ARHGEF33: variants seen among roughly 807,000 people sequenced by gnomAD.
ARHGEF33 encodes DH and coiled-coil domain-containing protein ENSP00000381780.
In ARHGEF33, 72 loss-of-function variants were observed where a neutral mutation model predicts 101.9. The ratio of observed to expected loss-of-function variants is 0.71; its 90% CI spans 0.58 to 0.86. The LOEUF (loss-of-function observed/expected upper bound fraction) is 0.86, where lower values mean the gene tolerates loss of function less well. Ranked by LOEUF, ARHGEF33 falls within the 40% of genes least tolerant of loss-of-function variation. The pLI, the probability that ARHGEF33 is intolerant of heterozygous loss-of-function variation, is 0.00. For missense variants in ARHGEF33, 1,169 were observed against 1,111.3 expected (o/e 1.05, Z -0.74); for synonymous variants, 499 against 442.5 (o/e 1.13, Z -1.60).
intron 16 of ARHGEF33, among the ~76,000 whole-genome samples, chr2:38,965,047 C>T (rs1668023669): frequency 6.6e-6 from 1 of 151,162 alleles, no homozygotes; most frequent in African/African-American, 2.4e-5. Context: ...CATATGTTTC[C>T]CGAAAAAAAA....
At chr2:38,973,647 G>A (rs1668213700) in intron 17 of ARHGEF33, 67 bp from the exon 18 acceptor site, 2 of 1,413,982 alleles carry the variant, frequency 1.4e-6, no homozygotes, top group Admixed American at 2.9e-5. Flanking sequence ...AATTGGGATA[G>A]ATAAAAATAT....
intron 10 of ARHGEF33, among the ~76,000 whole-genome samples, chr2:38,944,554 A>G (rs1667392050): frequency 6.6e-6 from 1 of 152,162 alleles, no homozygotes; most frequent in African/African-American, 2.4e-5. Flanking sequence ...GATCATAGCA[A>G]TAGGGAACCC....
chr2:38,960,715 C>A, intron 16 of ARHGEF33, 67 bp downstream of exon 16: 1 of 1,205,442 alleles, frequency 8.3e-7, no homozygotes, highest in Non-Finnish European at 1.1e-6. Flanking sequence ...AGGAAGCATC[C>A]CGAGTTCTCC....
intron 5 of ARHGEF33, among the ~76,000 whole-genome samples, chr2:38,929,420 T>C (rs1666944709): frequency 6.6e-6 from 1 of 151,446 alleles, no homozygotes; most frequent in Non-Finnish European, 1.5e-5. Flanking sequence ...AGAGCAAGAC[T>C]CTGTCTTAAA....
chr2:38,931,795 A>C (rs1281591966), intron 7 of ARHGEF33, among the ~76,000 whole-genome samples: 2 of 152,252 alleles, frequency 1.3e-5, no homozygotes, highest in African/African-American at 4.8e-5. Flanking sequence ...AAAAACAAAA[A>C]AAATTTGCCA....
intron 9 of ARHGEF33, among the ~76,000 whole-genome samples, chr2:38,942,284 C>T (rs1176161661): frequency 6.6e-6 from 1 of 150,556 alleles, no homozygotes; most frequent in Non-Finnish European, 1.5e-5. Context: ...TCTCCTGCCT[C>T]AGCCCCCTGA....
At chr2:38,916,460 A>G (rs896037945) in intron 2 of ARHGEF33, among the ~76,000 whole-genome samples, 2 of 152,248 alleles carry the variant, frequency 1.3e-5, no homozygotes, top group Non-Finnish European at 2.9e-5. Context: ...TGGATTAGAT[A>G]TCAAGTAAAT....
chr2:38,959,985 G>C lies in ARHGEF33; in HGVS notation c.1680G>C (p.Ala560=). The C allele has an allele frequency of 6.4e-7, 1 of 1,550,832 alleles. No individual in the cohort carries two copies. Among genetic ancestry groups the C allele is most frequent in the Non-Finnish European group, 8.7e-7 (1 of 1,146,676 alleles). The part of the protein sequence containing the change: ...ESLLAPTQFC[A]AEQDVKALAG... ...TTCTGGCACCGACGCAGTTCTGCGCGGCCGAGCAGGACGTGAAGGCGCTGG... is the reference window on the plus strand; with the variant it reads ...TTCTGGCACCGACGCAGTTCTGCGCCGCCGAGCAGGACGTGAAGGCGCTGG... The change falls in exon 16 of 18, where the codon GCG becomes GCC. Residue 560 remains alanine, a synonymous_variant. Coordinates refer to ENST00000409978, the MANE Select transcript of ARHGEF33 (RefSeq NM_001145451.5).
chr2:38,954,200 G>A (rs754663873), intron 12 of ARHGEF33, among the ~76,000 whole-genome samples, 173 bp from the exon 13 acceptor site: 76 of 152,218 alleles, frequency 5.0e-4, no homozygotes, highest in Non-Finnish European at 1.0e-3. Context: ...CTGTCTCCTA[G>A]GGCATGTCCC....
At chr2:38,954,806 G>A (rs142398539) in intron 13 of ARHGEF33, among the ~76,000 whole-genome samples, 305 of 151,988 alleles carry the variant, frequency 2.0e-3, no homozygotes, top group African/African-American at 7.1e-3. Flanking sequence ...GCTAATTTTT[G>A]TATTTTTAGT....
chr2:38,959,718 G>T, intron 15 of ARHGEF33, 123 bp from the exon 16 acceptor site: 1 of 1,114,102 alleles, frequency 9.0e-7, no homozygotes, highest in Non-Finnish European at 1.2e-6. Flanking sequence ...GGAAGTTTGT[G>T]GAGCTCGGGA....
In ARHGEF33 at chr2:38,965,899, T is replaced by C; in HGVS notation, c.2344-107T>C. 2.9e-6 allele frequency: 4 copies of C among 1,379,252 alleles called. No individual in the cohort carries two copies. The South Asian group carries it at 5.9e-5, about 20-fold the overall frequency. 85.4% of individuals were successfully genotyped at this position (1,379,252 alleles called of 1,614,324 possible). On this transcript the variant is annotated intron_variant, in intron 16 of 17. Transcript: ENST00000409978. ...GGGATTGGGTGCCCACTGGTAGTCT[T>C]TTGGCATGGGAGAGGAAAGTCACAA...
chr2:38,970,017 G>T (rs1668131710), intron 17 of ARHGEF33, among the ~76,000 whole-genome samples: 1 of 152,182 alleles, frequency 6.6e-6, no homozygotes, highest in African/African-American at 2.4e-5. Context: ...TGGGGAAGAG[G>T]ATCACGTGAG....
intron 15 of ARHGEF33, 29 bp downstream of exon 15, chr2:38,958,227 A>G: frequency 6.5e-7 from 1 of 1,550,342 alleles, no homozygotes; most frequent in Non-Finnish European, 8.7e-7. Context: ...GGGAAGGTTA[A>G]TGCCAATGCC....
At chr2:38,915,599 T>C (rs947925927) in intron 2 of ARHGEF33, among the ~76,000 whole-genome samples, 1 of 152,080 alleles carries the variant, frequency 6.6e-6, no homozygotes, top group Non-Finnish European at 1.5e-5. Flanking sequence ...CTTGAACTCC[T>C]GGCCTCAAGC....
intron 16 of ARHGEF33, among the ~76,000 whole-genome samples, chr2:38,961,776 G>C (rs1348924378): frequency 6.6e-6 from 1 of 151,890 alleles, no homozygotes; most frequent in East Asian, 1.9e-4. Flanking sequence ...ACATGGGAAG[G>C]ATATTTAAAA....
In ARHGEF33 at chr2:38,960,383, A is replaced by C; in HGVS notation, c.2078A>C (p.Glu693Ala). ...PAGSSSAYKLEAAAQAHGKAK... is the reference protein window; with the variant it reads ...PAGSSSAYKLAAAAQAHGKAK... ...GGCAGCAGCAGCGCCTACAAACTGG[A>C]GGCGGCGGCGCAGGCGCACGGCAAG... The change falls in exon 16 of 18, where the codon GAG (glutamate) becomes GCG (alanine). Residue 693 changes from glutamate (E) to alanine (A), a missense_variant. Physicochemically the swap from Glu to Ala is moderately radical, Grantham distance 107. Coordinates refer to ENST00000409978, the MANE Select transcript of ARHGEF33 (RefSeq NM_001145451.5). The C allele has an allele frequency of 1.3e-6, 2 of 1,513,082 alleles. No individual in the cohort carries two copies. Among genetic ancestry groups the C allele is most frequent in the Non-Finnish European group, 1.8e-6 (2 of 1,136,548 alleles). 93.7% of individuals were successfully genotyped at this position (1,513,082 alleles called of 1,614,324 possible). A position where few individuals can be genotyped will look rare whatever the true frequency, so the allele number is the denominator to read the frequency against.
intron 2 of ARHGEF33, among the ~76,000 whole-genome samples, chr2:38,911,899 G>T (rs1379187087): frequency 1.3e-5 from 2 of 152,066 alleles, no homozygotes; most frequent in African/African-American, 4.8e-5. Flanking sequence ...AAAAAAGGAA[G>T]TGCTTCCCCC....
At chr2:38,891,485 T>C (rs543897396) in intron 1 of ARHGEF33, among the ~76,000 whole-genome samples, 1 of 152,032 alleles carries the variant, frequency 6.6e-6, no homozygotes, top group South Asian at 2.1e-4. Flanking sequence ...CAGAAACCAG[T>C]CCACCATTTC....
Sources: allele counts gnomAD v4.1 joint callset (sites outside exome capture counted in the v4.1 genomes callset), GRCh38; gene constraint gnomAD v4.1.1; transcripts MANE v1.5; gene names NCBI Gene and HGNC (gene_info 2026-07-23, HGNC 2026-07-21).